Variants in MCM9 observed in about 807,000 individuals in gnomAD.
MCM9 encodes minichromosome maintenance 9 homologous recombination repair factor.
Under a neutral mutation model 72.8 loss-of-function variants are expected in MCM9, and 55 were observed. That is an observed-to-expected ratio of 0.76 (90% CI 0.61 to 0.95). The LOEUF (loss-of-function observed/expected upper bound fraction) is 0.95. Ranked by LOEUF, MCM9 falls within the 40% of genes least tolerant of loss-of-function variation. MCM9 has a pLI of 0.00. For synonymous variants in MCM9, 480 were observed against 503.4 expected (o/e 0.95, Z 0.62); for missense variants, 1,279 against 1,377.0 (o/e 0.93, Z 1.13).
At chr6:118,914,405 T>A (rs747850530) in intron 6 of MCM9, among the ~76,000 whole-genome samples, 1 of 152,196 alleles carries the variant, frequency 6.6e-6, no homozygotes, top group African/African-American at 2.4e-5. Context: ...CCACGACTTA[T>A]GGCCCTATAC....
At chr6:118,900,202 C>T (rs534451915) in intron 8 of MCM9, among the ~76,000 whole-genome samples, 2 of 152,210 alleles carry the variant, frequency 1.3e-5, no homozygotes, top group East Asian at 3.9e-4. Flanking sequence ...TACCATTGTT[C>T]GTTGACAGTT....
intron 8 of MCM9, chr6:118,894,358 G>T (rs896104388): frequency 4.6e-6 from 7 of 1,533,866 alleles, no homozygotes; most frequent in African/African-American, 4.1e-5. Flanking sequence ...CCGCGCGCTG[G>T]ACTTTATTGT....
Position 118,829,116 on chromosome 6 carries a change from AG to A in MCM9, c.1459del (p.Leu487TrpfsTer20). The A allele has an allele frequency of 6.4e-7, 1 of 1,550,682 alleles. No individual in the cohort carries two copies. The highest frequency in any genetic ancestry group is 8.7e-7 in the Non-Finnish European group (1 of 1,147,012). ...TTCATTCTTGGTATCAAGCAAAACC[AG>A]GATCAGGTCAAATCGACTTAAGAGT... ...SPLLSRFDLI[L>X]VLLDTKNEDW... On this transcript the variant is annotated frameshift_variant, in exon 10 of 14. Transcript: ENST00000619706. LOFTEE classifies it high-confidence loss of function.
At chr6:118,897,778 C>T (rs1054858433) in intron 8 of MCM9, among the ~76,000 whole-genome samples, 10 of 151,884 alleles carry the variant, frequency 6.6e-5, no homozygotes, top group African/African-American at 2.4e-4. Context: ...TGACCTTACC[C>T]TTCCTCCCTC....
chr6:118,871,815 G>C (rs1044016290), intron 8 of MCM9, among the ~76,000 whole-genome samples: 4 of 152,080 alleles, frequency 2.6e-5, no homozygotes, highest in African/African-American at 7.2e-5. Context: ...GCTGAGGCAG[G>C]AGAATGGTTT....
At chr6:118,868,399 C>T (rs767349941) in intron 8 of MCM9, among the ~76,000 whole-genome samples, 21 of 152,030 alleles carry the variant, frequency 1.4e-4, no homozygotes, top group Non-Finnish European at 2.1e-4. Flanking sequence ...GCAATGGCAA[C>T]GAAAGCCAAA....
At chr6:118,911,361 A>T in intron 8 of MCM9, 2 of 1,105,158 alleles carry the variant, frequency 1.8e-6, no homozygotes, top group Non-Finnish European at 2.2e-6. Context: ...AGTCTTGATA[A>T]AATGCCAGAT....
chr6:118,880,345 C>G (rs541864988), intron 8 of MCM9, among the ~76,000 whole-genome samples: 1 of 152,092 alleles, frequency 6.6e-6, no homozygotes, highest in Non-Finnish European at 1.5e-5. Context: ...AGCTGCCTTA[C>G]AAAATAGTGA....
At chr6:118,849,481 T>A (rs965808792) in intron 9 of MCM9, among the ~76,000 whole-genome samples, 1 of 151,578 alleles carries the variant, frequency 6.6e-6, no homozygotes, top group African/African-American at 2.4e-5. Context: ...ATATTCTCAT[T>A]ATACAGAATA....
Position 118,931,487 on chromosome 6 carries a change from T to G in MCM9, c.237A>C (p.Thr79=), listed in dbSNP as rs749621311. 1.2e-6 allele frequency: 2 copies of G among 1,614,080 alleles called. No homozygotes were observed. The highest frequency in any genetic ancestry group is 2.7e-5 in the African/African-American group (2 of 74,932). ...FDSALRRSAL[T]ILQSLSQPEA... is the part of the protein sequence containing the mutation. ...CAGGCTGAGAAAGGGACTGGAGAAT[T>G]GTCAAGGCTGACCTTCGCAGTGCAC... The change falls in exon 3 of 14, where the codon ACA becomes ACC. Residue 79 remains threonine (T), a synonymous_variant. Transcript: ENST00000619706.
intron 3 of MCM9, among the ~76,000 whole-genome samples, chr6:118,927,329 C>G (rs1384870575): frequency 6.6e-6 from 1 of 152,098 alleles, no homozygotes; most frequent in African/African-American, 2.4e-5. Flanking sequence ...TTTGGCTGGA[C>G]GTGGTGGCTC....
intron 9 of MCM9, among the ~76,000 whole-genome samples, chr6:118,833,130 C>T (rs548419986): frequency 3.3e-4 from 50 of 152,044 alleles, no homozygotes; most frequent in Non-Finnish European, 5.6e-4. Context: ...AGCTTGGGCC[C>T]GGAATCATTG....
chr6:118,833,603 A>C (rs1774744249), intron 9 of MCM9, among the ~76,000 whole-genome samples: 1 of 152,240 alleles, frequency 6.6e-6, no homozygotes, highest in South Asian at 2.1e-4. Context: ...TCAGTCTTAA[A>C]AAGAAAGAAA....
At chr6:118,887,521 T>G (rs557088786) in intron 8 of MCM9, among the ~76,000 whole-genome samples, 30 of 152,108 alleles carry the variant, frequency 2.0e-4, no homozygotes, top group African/African-American at 5.3e-4. Context: ...AGAATAAAAC[T>G]CTTAGAAGAA....
At position 118,815,470 on chromosome 6, in the gene MCM9, G is replaced by T; in HGVS notation, c.2786C>A (p.Ser929Ter). 3.2e-6 allele frequency: 5 copies of T among 1,549,014 alleles called. No homozygotes were observed. The highest frequency in any genetic ancestry group is 1.2e-5 in the South Asian group (1 of 83,754). The change falls in exon 14 of 14, where the codon TCA (serine) becomes TAA (stop). Residue 929 changes from serine (S) to a stop codon, truncating the protein, a stop_gained. Coordinates refer to ENST00000619706, the MANE Select transcript of MCM9 (RefSeq NM_017696.3). LOFTEE classifies it low-confidence loss of function (END_TRUNC). ...ATCTTCAAAGGAGTGGATCAGTTTT[G>T]ACTTCTGCTTGAAAGTAAATTTTGC... ...KLAKFTFKQK[S>*]KLIHSFEDHS...
At chr6:118,932,086 T>C (rs9689589) in intron 2 of MCM9, among the ~76,000 whole-genome samples, 2 of 152,038 alleles carry the variant, frequency 1.3e-5, no homozygotes, top group African/African-American at 4.8e-5. Flanking sequence ...GCACTTATAA[T>C]AGTGGTCTCA....
intron 9 of MCM9, among the ~76,000 whole-genome samples, chr6:118,854,485 T>G (rs1776429379): frequency 6.6e-6 from 1 of 152,224 alleles, no homozygotes; most frequent in Non-Finnish European, 1.5e-5. Context: ...CCCGAGTTGC[T>G]GGGATTACAG....
Position 118,913,265 on chromosome 6 carries a change from A to G in MCM9, c.1030+30T>C, listed in dbSNP as rs755160172. 109 of 1,610,434 alleles carry G rather than the reference A, an allele frequency of 6.8e-5. 3 individuals are homozygous for G. In the South Asian group the frequency reaches 1.2e-3, roughly 18 times the overall value. On this transcript the variant is annotated intron_variant, in intron 7 of 13. Coordinates refer to ENST00000619706, the MANE Select transcript of MCM9 (RefSeq NM_017696.3). ...TTCTAGCTTCCATCCATGTGTCAATATTACTCAAAATTTCTAAATAGGTAC... is the reference window on the plus strand; with the variant it reads ...TTCTAGCTTCCATCCATGTGTCAATGTTACTCAAAATTTCTAAATAGGTAC...
intron 1 of MCM9, among the ~76,000 whole-genome samples, chr6:118,933,334 A>C (rs1237864598): frequency 6.6e-6 from 1 of 151,868 alleles, no homozygotes; most frequent in Non-Finnish European, 1.5e-5. Context: ...CCCGTTCTCT[A>C]CTAAAAAAAA....
Sources: allele counts gnomAD v4.1 joint callset (sites outside exome capture counted in the v4.1 genomes callset), GRCh38; gene constraint gnomAD v4.1.1; transcripts MANE v1.5; gene names NCBI Gene and HGNC (gene_info 2026-07-23, HGNC 2026-07-21).